The following STXBP6 variants were observed in gnomAD, a reference collection of about 807,000 sequenced individuals.
STXBP6 encodes the protein syntaxin binding protein 6.
STXBP6 carries 21 observed loss-of-function variants against 26.9 expected under a neutral mutation model. The observed-to-expected ratio is 0.78, with a 90% confidence interval of 0.55 to 1.12. The LOEUF (loss-of-function observed/expected upper bound fraction) is 1.12, where lower values mean the gene tolerates loss of function less well. Among genes scored for constraint, STXBP6 ranks in the 50% most tolerant of loss-of-function variants. The pLI, the probability that STXBP6 is intolerant of heterozygous loss-of-function variation, is 0.00. For synonymous variants in STXBP6, 97 were observed against 92.6 expected (o/e 1.05, Z -0.27); for missense variants, 232 against 257.9 (o/e 0.90, Z 0.69).
chr14:24,980,121 T>C (rs796472006), intron 1 of STXBP6, among the ~76,000 whole-genome samples: 53 of 152,362 alleles, frequency 3.5e-4, no homozygotes, highest in African/African-American at 1.1e-3. Flanking sequence ...GATGTTATTA[T>C]ATATCACTAA....
chr14:25,009,485 T>C (rs1407401774), intron 1 of STXBP6, among the ~76,000 whole-genome samples: 1 of 152,104 alleles, frequency 6.6e-6, no homozygotes, highest in African/African-American at 2.4e-5. Flanking sequence ...AAGCCCAAAG[T>C]GTTAGCTTGC....
chr14:25,015,547 CT>C (rs1002859958), intron 1 of STXBP6, among the ~76,000 whole-genome samples: 44 of 151,896 alleles, frequency 2.9e-4, no homozygotes, highest in Non-Finnish European at 2.1e-4. Flanking sequence ...AAAAAAAATC[CT>C]TTTGATAAAG....
chr14:25,022,866 A>T (rs180707189), intron 1 of STXBP6, among the ~76,000 whole-genome samples: 1 of 152,268 alleles, frequency 6.6e-6, no homozygotes, highest in East Asian at 1.9e-4. Context: ...CTCATCTCCA[A>T]TTCAATTTGT....
chr14:25,016,795 T>A (rs2075158745), intron 1 of STXBP6, among the ~76,000 whole-genome samples: 1 of 152,162 alleles, frequency 6.6e-6, no homozygotes, highest in South Asian at 2.1e-4. Flanking sequence ...TATTCCAGGC[T>A]ACAAGGAAGC....
At chr14:24,956,928 C>T (rs1006168820) in intron 2 of STXBP6, among the ~76,000 whole-genome samples, 7 of 152,096 alleles carry the variant, frequency 4.6e-5, no homozygotes, top group South Asian at 4.1e-4. Context: ...TTCAAGCATT[C>T]GGCGTATTCT....
At chr14:24,902,007 T>C (rs998973674) in intron 2 of STXBP6, among the ~76,000 whole-genome samples, 1 of 152,208 alleles carries the variant, frequency 6.6e-6, no homozygotes, top group African/African-American at 2.4e-5. Flanking sequence ...ATGTACATCA[T>C]GCCTCAATGA....
chr14:24,907,255 A>G (rs1244663573), intron 2 of STXBP6, among the ~76,000 whole-genome samples: 2 of 152,196 alleles, frequency 1.3e-5, no homozygotes, highest in Non-Finnish European at 2.9e-5. Context: ...GTACACAGGC[A>G]TCAATATAAC....
intron 5 of STXBP6, chr14:24,816,182 C>T (rs1405250782): frequency 6.6e-6 from 1 of 152,198 alleles, no homozygotes; most frequent in Non-Finnish European, 1.5e-5. Context: ...CAGGACTCTG[C>T]CATGTGTTCT....
chr14:25,033,159 A>G (rs1247893914), intron 1 of STXBP6, among the ~76,000 whole-genome samples: 1 of 152,226 alleles, frequency 6.6e-6, no homozygotes, highest in Non-Finnish European at 1.5e-5. Flanking sequence ...GGTCCATGCA[A>G]TGACACCACC....
At chr14:24,895,546 C>CA (rs1441563170) in intron 2 of STXBP6, among the ~76,000 whole-genome samples, 1 of 152,172 alleles carries the variant, frequency 6.6e-6, no homozygotes, top group African/African-American at 2.4e-5. Flanking sequence ...GTAAGCTACC[C>CA]ATATGCCAAA....
rs938613330 is a variant in STXBP6 at position 25,045,073 on chromosome 14, G to A, written c.-33+4805C>T. ...TTAATGAATGTCCCTATATTTTCGGGATATACTAGGTGAAACCATCCCACC... is the reference window on the plus strand; with the variant it reads ...TTAATGAATGTCCCTATATTTTCGGAATATACTAGGTGAAACCATCCCACC... On this transcript the variant is annotated intron_variant, in intron 1 of 5. Coordinates refer to ENST00000323944, the MANE Select transcript of STXBP6 (RefSeq NM_001394410.1). Among the ~76,000 whole-genome samples the A allele has an allele frequency of 3.3e-5, 5 of 152,194 alleles. No homozygotes were observed. The South Asian group carries it at 1.0e-3, about 32-fold the overall frequency.
At chr14:24,858,593 T>C (rs1474367896) in intron 2 of STXBP6, among the ~76,000 whole-genome samples, 1 of 152,168 alleles carries the variant, frequency 6.6e-6, no homozygotes, top group East Asian at 1.9e-4. Flanking sequence ...TGAAATTTTA[T>C]AGTCTTCTAT....
intron 2 of STXBP6, among the ~76,000 whole-genome samples, chr14:24,935,655 T>C (rs953942862): frequency 6.6e-6 from 1 of 152,204 alleles, no homozygotes; most frequent in Non-Finnish European, 1.5e-5. Context: ...TAAGAGGAAA[T>C]GTGTCTGCAA....
chr14:24,855,793 A>G, intron 4 of STXBP6, 143 bp downstream of exon 4: 1 of 670,344 alleles, frequency 1.5e-6, no homozygotes, highest in Non-Finnish European at 2.3e-6. Flanking sequence ...AACTCCCTGG[A>G]ATGGTTCTTA....
intron 1 of STXBP6, among the ~76,000 whole-genome samples, chr14:25,025,984 C>T (rs899580509): frequency 6.6e-6 from 1 of 152,210 alleles, no homozygotes; most frequent in African/African-American, 2.4e-5. Flanking sequence ...TACACAGCTG[C>T]TCCCTGATCA....
chr14:24,919,521 A>G (rs559716713), intron 2 of STXBP6, among the ~76,000 whole-genome samples: 2 of 151,316 alleles, frequency 1.3e-5, no homozygotes, highest in African/African-American at 4.9e-5. Context: ...AAAAGATTCA[A>G]TACGCACTTT....
At chr14:24,904,257 A>G (rs1458129054) in intron 2 of STXBP6, among the ~76,000 whole-genome samples, 3 of 152,224 alleles carry the variant, frequency 2.0e-5, no homozygotes, top group African/African-American at 7.2e-5. Context: ...TGTGAATAAT[A>G]TAGGTGAATA....
intron 2 of STXBP6, among the ~76,000 whole-genome samples, chr14:24,945,395 T>C (rs1215065122): frequency 6.6e-6 from 1 of 151,832 alleles, no homozygotes; most frequent in Non-Finnish European, 1.5e-5. Context: ...GCAAGACATG[T>C]CTTTATAAAA....
chr14:25,011,614 A>G (rs2075033914), intron 1 of STXBP6, among the ~76,000 whole-genome samples: 1 of 152,142 alleles, frequency 6.6e-6, no homozygotes, highest in Non-Finnish European at 1.5e-5. Context: ...AGACTACAAA[A>G]TCCAGTTATA....
Sources: gnomAD v4.1 joint callset for allele counts (sites outside exome capture counted in the v4.1 genomes callset) on GRCh38, gnomAD v4.1.1 for gene constraint, MANE v1.5 for transcripts, NCBI Gene and HGNC (gene_info 2026-07-23, HGNC 2026-07-21) for gene names.